MAPK12: variants seen among roughly 807,000 people sequenced by gnomAD.
MAPK12 encodes mitogen-activated protein kinase 12, also known as MAP kinase 12.
MAPK12 carries 49 observed loss-of-function variants against 49.1 expected under a neutral mutation model. That is an observed-to-expected ratio of 1.00 (90% confidence interval 0.79 to 1.27). The LOEUF is 1.27. MAPK12 is among the 50% of genes most tolerant of loss of function. The pLI, the probability that MAPK12 is intolerant of heterozygous loss-of-function variation, is 0.00. For missense variants in MAPK12, 554 were observed against 502.4 expected, an observed-to-expected ratio of 1.10 and a Z score of -0.98; for synonymous variants, 251 against 209.7, an observed-to-expected ratio of 1.20 and a Z score of -1.70.
rs180690992 is a variant in MAPK12, at chr22:50,255,654, C to T, written c.732G>A (p.Thr244=). 1.9e-5 allele frequency: 30 copies of T among 1,609,910 alleles called. No individual in the cohort carries two copies. Among genetic ancestry groups the T allele is most frequent in the East Asian group, 4.5e-5 (2 of 44,780 alleles). The change falls in exon 9 of 12, where the codon ACG becomes ACA. Residue 244 remains threonine (T), a synonymous_variant. Transcript: ENST00000215659. ...QLKEIMKVTG[T]PPAEFVQRLQ... The stretch of plus-strand genomic sequence containing the variant: ...GCCGCTGCACAAACTCAGCCGGAGG[C>T]GTCCCCGTCACCTTCATGATCTCCT...
At position 50,261,606 on chromosome 22, in the gene MAPK12, C is replaced by A; in HGVS notation, c.-97G>T. On this transcript the variant is annotated 5_prime_UTR_variant, in exon 1 of 12. Coordinates refer to ENST00000215659, the MANE Select transcript of MAPK12 (RefSeq NM_002969.6). ...CGGCGCGCGCCTCGGGCCGGCTCCG[C>A]GCCGCTCGTCCGCTCGCCCGCCCGC... is the stretch of plus-strand genomic sequence containing the variant. 1 of 993,496 alleles carries A rather than the reference C, an allele frequency of 1.0e-6. No individual in the cohort carries two copies. Among genetic ancestry groups the A allele is most frequent in the Non-Finnish European group, 1.2e-6 (1 of 837,728 alleles). The allele number at this position is 993,496 out of a possible 1,614,324, so 61.5% of individuals were successfully genotyped here.
chr22:50,257,021 C>A (rs2065157732), intron 4 of MAPK12, 57 bp from the exon 5 acceptor site: 2 of 1,602,420 alleles, frequency 1.2e-6, no homozygotes, highest in Non-Finnish European at 1.7e-6. Flanking sequence ...GCCACAGGGC[C>A]CTCCTCTGCC....
chr22:50,254,794 G>A (rs886900085), intron 11 of MAPK12: 10 of 1,142,290 alleles, frequency 8.8e-6, no homozygotes, highest in African/African-American at 1.6e-5. Flanking sequence ...AGCAGGTCTG[G>A]GGGCCAGGAG....
In MAPK12 at chr22:50,257,064, C is replaced by T. The variant is rs1163891625; in HGVS notation, c.426+18G>A. 5 of 1,609,652 alleles carry T rather than the reference C, an allele frequency of 3.1e-6. No homozygotes were observed. The African/African-American group carries it at 5.3e-5, about 17-fold the overall frequency. On this transcript the variant is annotated intron_variant, in intron 4 of 11. Transcript: ENST00000215659. ...GAGGCCCTGCCTGCCTCCCTGCAGC[C>T]TCCCCCGGGGCCCGTACCCTCAGCC...
Position 50,254,856 on chromosome 22 carries a change from G to A in MAPK12, c.1024+341C>T, listed in dbSNP as rs2065131803. The A allele has an allele frequency of 1.0e-5, 12 of 1,195,002 alleles. 1 individual carries two copies. The highest frequency in any genetic ancestry group is 7.4e-4 in the Middle Eastern group (2 of 2,718). 74.0% of individuals were successfully genotyped at this position (1,195,002 alleles called of 1,614,324 possible). A position where few individuals can be genotyped will look rare whatever the true frequency, so the allele number is the denominator to read the frequency against. ...CTCACAGCTGCCTTTCACCACTCCC[G>A]GCTCCTTCTGTGCCAGCCTCTGTGC... is the stretch of plus-strand genomic sequence containing the variant. On this transcript the variant is annotated intron_variant, in intron 11 of 11. Coordinates refer to ENST00000215659, the MANE Select transcript of MAPK12 (RefSeq NM_002969.6).
At chr22:50,255,428 T>C (rs1225660918) in intron 10 of MAPK12, 25 bp downstream of exon 10, 3 of 1,612,710 alleles carry the variant, frequency 1.9e-6, no homozygotes, top group East Asian at 2.2e-5. Context: ...CAGCACCCGG[T>C]GGCCCCCACA....
chr22:50,254,704 CAG>C, intron 11 of MAPK12: 1 of 1,056,572 alleles, frequency 9.5e-7, no homozygotes, highest in Non-Finnish European at 1.1e-6. Flanking sequence ...GAGGTGTGAG[CAG>C]AGAGGCCTTA....
At chr22:50,260,770 T>A in intron 2 of MAPK12, 1 of 160,124 alleles carries the variant, frequency 6.2e-6, no homozygotes, top group South Asian at 1.6e-4. Context: ...GGAAAGGGGA[T>A]GGGGAAGAGG....
At chr22:50,254,710 G>C in intron 11 of MAPK12, 8 of 1,061,742 alleles carry the variant, frequency 7.5e-6, no homozygotes, top group Non-Finnish European at 9.1e-6. Context: ...TGAGCAGAGA[G>C]GCCTTAGGGA....
intron 3 of MAPK12, chr22:50,257,741 C>G: frequency 3.1e-6 from 2 of 651,818 alleles, no homozygotes; most frequent in South Asian, 3.5e-5. Flanking sequence ...GCAAGTCAGG[C>G]GGGAGGCGCC....
intron 2 of MAPK12, chr22:50,260,935 A>C (rs932153863): frequency 4.3e-5 from 18 of 419,788 alleles, no homozygotes; most frequent in African/African-American, 3.4e-4. Context: ...CGCCGAGTCA[A>C]GGGGCTGAGT....
intron 2 of MAPK12, among the ~76,000 whole-genome samples, chr22:50,259,782 G>A (rs1421623939): frequency 2.6e-5 from 4 of 152,024 alleles, no homozygotes; most frequent in Admixed American, 2.6e-4. Context: ...TACTGAGGAG[G>A]CTGAAGCAGG....
At chr22:50,255,163 T>C in intron 11 of MAPK12, 34 bp downstream of exon 11, 1 of 1,611,966 alleles carries the variant, frequency 6.2e-7, no homozygotes, top group Non-Finnish European at 8.5e-7. Context: ...CCCACTTGGG[T>C]CCACACAGGC....
intron 3 of MAPK12, chr22:50,257,620 G>A: frequency 1.8e-6 from 1 of 569,110 alleles, no homozygotes; most frequent in African/African-American, 1.9e-5. Context: ...GTGCCTGGGG[G>A]CGATGGGGGC....
intron 6 of MAPK12, 54 bp from the exon 7 acceptor site, chr22:50,256,253 GC>G: frequency 7.2e-7 from 1 of 1,385,850 alleles, no homozygotes; most frequent in Non-Finnish European, 1.0e-6. Context: ...GAGCGGACAG[GC>G]CACCCACGGT....
In MAPK12 at chr22:50,256,141, G is replaced by A. The variant is rs1455116484; in HGVS notation, c.563C>T (p.Thr188Ile). The A allele has an allele frequency of 2.5e-6, 4 of 1,612,656 alleles. No individual in the cohort carries two copies. Among genetic ancestry groups the A allele is most frequent in the African/African-American group, 2.7e-5 (2 of 74,938 alleles). The change falls in exon 7 of 12, where the codon ACC becomes ATC. Residue 188 changes from threonine to isoleucine, a missense_variant. Transcript: ENST00000215659. The part of the protein sequence containing the change: ...ADSEMTGYVV[T>I]RWYRAPEVIL... ...GACCTCGGGAGCCCGGTACCACCGG[G>A]TCACCACGTACCCAGTCATCTCACT... is the stretch of plus-strand genomic sequence containing the variant.
Position 50,255,088 on chromosome 22 carries a change from G to A in MAPK12, c.1024+109C>T, listed in dbSNP as rs144655674. ...GCCCTACCCGGAGCCCCCAACTCAC[G>A]GGTCCACACAGGCCCTACCCGGAGC... On this transcript the variant is annotated intron_variant, in intron 11 of 11. Transcript: ENST00000215659. 1.4e-3 allele frequency: 2,209 copies of A among 1,538,806 alleles called. 51 individuals are homozygous for A. The African/African-American group carries it at 0.027, about 19-fold the overall frequency.
In MAPK12 at chr22:50,253,499, C is replaced by CGGG; in HGVS notation, c.1025-22_1025-20dup. 6.1e-6 allele frequency: 4 copies of CGGG among 660,038 alleles called. No homozygotes were observed. The highest frequency in any genetic ancestry group is 3.9e-5 in the South Asian group (1 of 25,560). The allele number at this position is 660,038 out of a possible 1,614,324, so 40.9% of individuals were successfully genotyped here. On this transcript the variant is annotated intron_variant, in intron 11 of 11. Coordinates refer to ENST00000215659, the MANE Select transcript of MAPK12 (RefSeq NM_002969.6). ...GTAACACCTGGCGGGGGTGGGGGGGCGGGCACAACAGAGAGGGGGGTCAGC... is the reference window on the plus strand; with the variant it reads ...GTAACACCTGGCGGGGGTGGGGGGGCGGGGGGCACAACAGAGAGGGGGGTCAGC...
chr22:50,261,093 G>A (rs1235078014), intron 2 of MAPK12, 74 bp downstream of exon 2: 9 of 1,420,566 alleles, frequency 6.3e-6, no homozygotes, highest in Non-Finnish European at 8.4e-6. Context: ...AGGGGTTGCC[G>A]GGTGGGGGAA....
Sources: allele counts gnomAD v4.1 joint callset (sites outside exome capture counted in the v4.1 genomes callset), GRCh38; gene constraint gnomAD v4.1.1; transcripts MANE v1.5; gene names NCBI Gene and HGNC (gene_info 2026-07-23, HGNC 2026-07-21).